SOCS7: variants seen among roughly 807,000 people sequenced by gnomAD.
SOCS7 encodes suppressor of cytokine signaling 7.
Under a neutral mutation model 58.9 loss-of-function variants are expected in SOCS7, and 18 were observed. The observed-to-expected ratio is 0.31, with a 90% CI of 0.21 to 0.45. The LOEUF (loss-of-function observed/expected upper bound fraction) is 0.45. Among genes scored for constraint, SOCS7 ranks in the 20% least tolerant of loss-of-function variants. The pLI, the probability that SOCS7 is intolerant of heterozygous loss-of-function variation, is 1.00. For missense variants in SOCS7, 667 were observed against 837.3 expected, an observed-to-expected ratio of 0.80 and a Z score of 2.51; for synonymous variants, 388 against 364.3, an observed-to-expected ratio of 1.06 and a Z score of -0.74.
intron 6 of SOCS7, among the ~76,000 whole-genome samples, chr17:38,373,411 T>C (rs1425498087): frequency 6.6e-6 from 1 of 152,186 alleles, no homozygotes; most frequent in African/African-American, 2.4e-5. Context: ...GAAAGTGCCC[T>C]ATTCTGGGGA....
chr17:38,400,468 C>T lies in SOCS7; in HGVS notation c.*986C>T, dbSNP rs2038303950. 1 of 152,190 alleles carries T rather than the reference C, an allele frequency of 6.6e-6. No individual in the cohort carries two copies. The highest frequency in any genetic ancestry group is 1.5e-5 in the Non-Finnish European group (1 of 68,038). 9.4% of individuals were successfully genotyped at this position (152,190 alleles called of 1,614,324 possible). A position where few individuals can be genotyped will look rare whatever the true frequency, so the allele number is the denominator to read the frequency against. ...ATGACTTAGGAGTGAGTGTTACTTC[C>T]ATGTGCCTGTCAGCTTGTGAGGGGG... On this transcript the variant is annotated 3_prime_UTR_variant, in exon 10 of 10. Transcript: ENST00000612932.
chr17:38,368,113 CTT>C lies in SOCS7; in HGVS notation c.1552+68_1552+69del. 18 of 1,434,848 alleles carry C rather than the reference CTT, an allele frequency of 1.3e-5. No homozygotes were observed. In the South Asian group the frequency reaches 2.3e-4, roughly 18 times the overall value. The allele number at this position is 1,434,848 out of a possible 1,614,324, so 88.9% of individuals were successfully genotyped here. On this transcript the variant is annotated intron_variant, in intron 6 of 9. Coordinates refer to ENST00000612932, the MANE Select transcript of SOCS7 (RefSeq NM_014598.4). ...GATTTGCTCTACCTTTGCTGTCTGACTTTTTTGTGGAAGAGATTCATAGGAAT... is the reference window on the plus strand; with the variant it reads ...GATTTGCTCTACCTTTGCTGTCTGACTTTTGTGGAAGAGATTCATAGGAAT...
chr17:38,377,602 G>T, intron 6 of SOCS7, 112 bp from the exon 7 acceptor site: 1 of 901,120 alleles, frequency 1.1e-6, no homozygotes. Flanking sequence ...GAGCCAGCTT[G>T]CCCCCAAACT....
chr17:38,361,651 C>A, intron 1 of SOCS7, 60 bp from the exon 2 acceptor site: 1 of 1,318,650 alleles, frequency 7.6e-7, no homozygotes, highest in Non-Finnish European at 1.1e-6. Flanking sequence ...GTTGTGGTGA[C>A]TTAAATGCAT....
intron 9 of SOCS7, among the ~76,000 whole-genome samples, chr17:38,396,285 G>A (rs41520345): frequency 2.8e-4 from 43 of 152,320 alleles, no homozygotes; most frequent in African/African-American, 7.2e-4. Context: ...CTAAGAGTGC[G>A]GCCTCTGGCA....
intron 7 of SOCS7, among the ~76,000 whole-genome samples, chr17:38,378,758 G>T (rs986847033): frequency 2.6e-5 from 4 of 152,182 alleles, no homozygotes; most frequent in Admixed American, 2.0e-4. Context: ...GGAGGTGTCT[G>T]TATAATCTGT....
intron 6 of SOCS7, 42 bp from the exon 7 acceptor site, chr17:38,377,672 A>C (rs2037949222): frequency 6.3e-7 from 1 of 1,581,260 alleles, no homozygotes; most frequent in African/African-American, 1.4e-5. Context: ...ATGTCTTCTG[A>C]AGTAAGTTTT....
At chr17:38,366,787 C>T (rs892562721) in intron 5 of SOCS7, among the ~76,000 whole-genome samples, 4 of 152,212 alleles carry the variant, frequency 2.6e-5, no homozygotes, top group African/African-American at 9.6e-5. Context: ...TAAGCCACCA[C>T]ACCCAGCCCC....
chr17:38,399,460 A>G (rs1193690569), intron 9 of SOCS7, 53 bp from the exon 10 acceptor site: 2 of 152,200 alleles, frequency 1.3e-5, no homozygotes, highest in African/African-American at 4.8e-5. Flanking sequence ...ATTTCACTCC[A>G]TTTTGGTTCT....
chr17:38,353,169 A>AT, intron 1 of SOCS7, 137 bp downstream of exon 1: 1 of 781,520 alleles, frequency 1.3e-6, no homozygotes, highest in South Asian at 1.9e-5. Flanking sequence ...CAAAGGTGGT[A>AT]ACATCTCGCA....
intron 7 of SOCS7, among the ~76,000 whole-genome samples, chr17:38,381,915 G>A (rs114374421): frequency 0.015 from 1,703 of 115,162 alleles, 33 homozygotes; most frequent in African/African-American, 0.055. Flanking sequence ...AGTGAGCCAA[G>A]TCATACCACT....
chr17:38,394,884 T>C (rs888306253), intron 7 of SOCS7, among the ~76,000 whole-genome samples: 18 of 152,114 alleles, frequency 1.2e-4, no homozygotes, highest in African/African-American at 3.9e-4. Context: ...ACCCCGTCTC[T>C]ACTAAAAATA....
intron 7 of SOCS7, 54 bp downstream of exon 7, chr17:38,377,896 A>C: frequency 6.4e-7 from 1 of 1,564,416 alleles, no homozygotes; most frequent in Non-Finnish European, 8.7e-7. Context: ...GATCCAGTTT[A>C]GTGTCAAAAA....
In SOCS7 at chr17:38,352,312, C is replaced by A; in HGVS notation, c.260C>A (p.Pro87His). ...GTGGAGGCGGCCCCGGAGCCGGGACCCTCGGAACTGCTGTGTCCCCGGCAC... is the reference window on the plus strand; with the variant it reads ...GTGGAGGCGGCCCCGGAGCCGGGACACTCGGAACTGCTGTGTCCCCGGCAC... ...EDVEAAPEPG[P>H]SELLCPRHRC... Residue 87 changes from proline (P) to histidine (H), a missense_variant, in exon 1 of 10, where the codon CCC (proline) becomes CAC (histidine). Around this residue, in one of 9 missense-constraint regions of SOCS7, gnomAD observed 154 missense variants for 156.3 expected, o/e 0.98. Transcript: ENST00000612932. This position sits in a 1 kb window ranked among gnomAD's most constrained non-coding sequence, Gnocchi z 5.5. 6.7e-7 allele frequency: 1 copy of A among 1,486,178 alleles called. No individual in the cohort carries two copies. Among genetic ancestry groups the A allele is most frequent in the Admixed American group, 2.3e-5 (1 of 42,570 alleles). 92.1% of individuals were successfully genotyped at this position (1,486,178 alleles called of 1,614,324 possible). A position where few individuals can be genotyped will look rare whatever the true frequency, so the allele number is the denominator to read the frequency against.
intron 9 of SOCS7, among the ~76,000 whole-genome samples, chr17:38,398,196 A>G (rs1307051775): frequency 6.6e-6 from 1 of 150,968 alleles, no homozygotes; most frequent in Non-Finnish European, 1.5e-5. Context: ...TGTAGACCCT[A>G]GGAGCCCTGG....
chr17:38,375,160 A>G (rs887918948), intron 6 of SOCS7, among the ~76,000 whole-genome samples: 4 of 152,296 alleles, frequency 2.6e-5, no homozygotes, highest in Admixed American at 2.6e-4. Context: ...ATGCCACTGC[A>G]CTCTAGCCTG....
At chr17:38,373,922 T>C (rs903666909) in intron 6 of SOCS7, among the ~76,000 whole-genome samples, 1 of 152,234 alleles carries the variant, frequency 6.6e-6, no homozygotes, top group African/African-American at 2.4e-5. Flanking sequence ...GATTCCTCCA[T>C]TGAAGTTGCC....
At chr17:38,358,852 G>A (rs953899541) in intron 1 of SOCS7, among the ~76,000 whole-genome samples, 2 of 151,922 alleles carry the variant, frequency 1.3e-5, no homozygotes, top group African/African-American at 4.8e-5. Flanking sequence ...GGATTCAGAT[G>A]TTTTTCTTTT....
In SOCS7 at chr17:38,362,377, CTCGTT is replaced by C. The variant is rs1424527694; in HGVS notation, c.1045+607_1045+611del. On this transcript the variant is annotated intron_variant, in intron 2 of 9. Coordinates refer to ENST00000612932, the MANE Select transcript of SOCS7 (RefSeq NM_014598.4). ...CCTTTGGATGATGGGTAACTGCCTT[CTCGTT>C]TCGTAGGGAGCTTTTTCAGAGAGGG... is the stretch of plus-strand genomic sequence containing the variant. Among the ~76,000 whole-genome samples, 4 of 152,196 alleles carry C rather than the reference CTCGTT, an allele frequency of 2.6e-5. No individual in the cohort carries two copies. The East Asian group carries it at 5.8e-4, about 22-fold the overall frequency.
Sources: allele counts gnomAD v4.1 joint callset (sites outside exome capture counted in the v4.1 genomes callset), GRCh38; gene constraint gnomAD v4.1.1; regional missense constraint gnomAD v4.1.1; non-coding constraint Gnocchi (gnomAD v3.1); transcripts MANE v1.5; gene names NCBI Gene and HGNC (gene_info 2026-07-23, HGNC 2026-07-21).